The following CHN2 variants were observed in gnomAD, a reference collection of about 807,000 sequenced individuals.
CHN2 encodes the protein beta-chimaerin.
A neutral mutation model predicts 56.3 loss-of-function variants in CHN2; 35 were observed. The ratio of observed to expected loss-of-function variants is 0.62; its 90% CI spans 0.47 to 0.82. CHN2 has a LOEUF of 0.82. CHN2 is among the 40% of genes least tolerant of loss of function. The pLI is 0.00. For missense variants in CHN2, 491 were observed against 580.5 expected (o/e 0.85, Z 1.58); for synonymous variants, 210 against 212.8 (o/e 0.99, Z 0.12).
At chr7:29,172,874 G>C (rs537757212) in intron 2 of CHN2, among the ~76,000 whole-genome samples, 1 of 152,094 alleles carries the variant, frequency 6.6e-6, no homozygotes, top group Admixed American at 6.5e-5. Context: ...GAGTGTGGTA[G>C]CTCACCAGCG....
At chr7:29,381,499 C>T (rs1215886508) in intron 3 of CHN2, among the ~76,000 whole-genome samples, 2 of 152,062 alleles carry the variant, frequency 1.3e-5, no homozygotes, top group Non-Finnish European at 2.9e-5. Context: ...GGAAGAAGGG[C>T]TGGATAGAGG....
intron 1 of CHN2, among the ~76,000 whole-genome samples, chr7:29,196,545 G>T (rs111283734): frequency 6.6e-6 from 1 of 152,184 alleles, no homozygotes. Flanking sequence ...AAATACAGTG[G>T]TGTTGGCTTT....
intron 1 of CHN2, among the ~76,000 whole-genome samples, chr7:29,285,685 G>T (rs1015246357): frequency 1.3e-5 from 2 of 152,184 alleles, no homozygotes; most frequent in African/African-American, 2.4e-5. Context: ...ATTTTAACCT[G>T]AATACAGGCT....
At chr7:29,484,116 T>A in intron 7 of CHN2, 1 of 376,190 alleles carries the variant, frequency 2.7e-6, no homozygotes, top group Non-Finnish European at 5.2e-6. Context: ...TTCTACCATC[T>A]CTTTCTTCTT....
At chr7:29,347,736 T>G (rs1393509473) in intron 1 of CHN2, among the ~76,000 whole-genome samples, 1 of 152,174 alleles carries the variant, frequency 6.6e-6, no homozygotes, top group Non-Finnish European at 1.5e-5. Context: ...AGTCTCAATG[T>G]CCATCAATTA....
At chr7:29,417,399 G>C (rs560425958) in intron 6 of CHN2, among the ~76,000 whole-genome samples, 21 of 146,194 alleles carry the variant, frequency 1.4e-4, no homozygotes, top group Non-Finnish European at 2.8e-4. Context: ...GCAGTGGCGC[G>C]ATCTCCGCTC....
At chr7:29,484,449 A>G (rs1355842994) in intron 7 of CHN2, among the ~76,000 whole-genome samples, 1 of 152,198 alleles carries the variant, frequency 6.6e-6, no homozygotes, top group Non-Finnish European at 1.5e-5. Flanking sequence ...CTGAAAGAGA[A>G]ACTGCCCTGC....
intron 7 of CHN2, among the ~76,000 whole-genome samples, chr7:29,491,347 T>G (rs1278276251): frequency 6.6e-6 from 1 of 152,198 alleles, no homozygotes; most frequent in East Asian, 1.9e-4. Flanking sequence ...ATTGCATCTT[T>G]TTTCTCCTTC....
chr7:29,426,756 C>T (rs1235581899), intron 6 of CHN2, among the ~76,000 whole-genome samples: 3 of 152,218 alleles, frequency 2.0e-5, no homozygotes, highest in African/African-American at 7.2e-5. Flanking sequence ...GGACTCTTAT[C>T]TGAGTGCTCT....
At chr7:29,484,794 A>T (rs1339372807) in intron 7 of CHN2, among the ~76,000 whole-genome samples, 1 of 152,196 alleles carries the variant, frequency 6.6e-6, no homozygotes, top group Non-Finnish European at 1.5e-5. Flanking sequence ...AATAGGAAGG[A>T]TCTCTAGCCT....
chr7:29,464,113 G>A (rs1351521900), intron 6 of CHN2, among the ~76,000 whole-genome samples: 2 of 152,330 alleles, frequency 1.3e-5, no homozygotes, highest in East Asian at 3.9e-4. Flanking sequence ...GGCTAGCTAA[G>A]CTTATTTAAA....
intron 1 of CHN2, among the ~76,000 whole-genome samples, chr7:29,278,997 C>T (rs557746651): frequency 4.8e-5 from 6 of 123,928 alleles, no homozygotes; most frequent in Admixed American, 1.7e-4. Flanking sequence ...GTCCAGCTGT[C>T]CCCCCCCAAC....
chr7:29,323,726 G>T (rs771492917), intron 1 of CHN2, among the ~76,000 whole-genome samples: 11 of 151,944 alleles, frequency 7.2e-5, no homozygotes, highest in Non-Finnish European at 1.5e-4. Context: ...GGCTGGGCGC[G>T]GTGGCTCACA....
intron 9 of CHN2, 83 bp downstream of exon 9, chr7:29,500,123 G>GTAGAGCAA: frequency 9.1e-7 from 1 of 1,102,296 alleles, no homozygotes; most frequent in Non-Finnish European, 1.2e-6. Context: ...AAACAGAGTT[G>GTAGAGCAA]CTCTACTACT....
chr7:29,165,029 T>G lies in CHN2; in HGVS notation c.274+18069T>G, dbSNP rs539860250. Reference sequence around the variant, plus strand: ...TTATTCTTTTTCAGATGTTTTTGACTATTCTACATCTTTTGAACTTCCATA... The same window carrying G: ...TTATTCTTTTTCAGATGTTTTTGACGATTCTACATCTTTTGAACTTCCATA... On this transcript the variant is annotated intron_variant, in intron 2 of 6. Transcript: ENST00000439384. 1.3e-4 allele frequency among the ~76,000 whole-genome samples: 20 copies of G among 152,296 alleles called. No individual in the cohort carries two copies. In the South Asian group the frequency reaches 3.7e-3, roughly 28 times the overall value.
rs1791824558 is a variant in CHN2 at position 29,514,277 on chromosome 7, T to C, written c.*1542T>C. 6.6e-6 allele frequency: 1 copy of C among 152,662 alleles called. No individual in the cohort carries two copies. Among genetic ancestry groups the C allele is most frequent in the Non-Finnish European group, 1.5e-5 (1 of 68,040 alleles). 9.5% of individuals were successfully genotyped at this position (152,662 alleles called of 1,614,324 possible). ...GTGAACAATACTTTGTAATTTATGA[T>C]AGTGTAAATGGAAGGCAAAGCATCA... On this transcript the variant is annotated 3_prime_UTR_variant, in exon 13 of 13. Coordinates refer to ENST00000222792, the MANE Select transcript of CHN2 (RefSeq NM_004067.4).
chr7:29,252,574 C>CTTTTTTTTTTTTT (rs150230689), intron 1 of CHN2, among the ~76,000 whole-genome samples: 2 of 19,280 alleles, frequency 1.0e-4, no homozygotes, highest in Non-Finnish European at 9.3e-5. Flanking sequence ...AAATTGCATT[C>CTTTTTTTTTTTTT]TTTGTTTTTT....
intron 8 of CHN2, among the ~76,000 whole-genome samples, chr7:29,498,043 A>C (rs1789491319): frequency 6.6e-6 from 1 of 152,226 alleles, no homozygotes; most frequent in South Asian, 2.1e-4. Flanking sequence ...AAATGGTTAA[A>C]ATGATAAATT....
At chr7:29,364,975 C>G (rs1459950984) in intron 2 of CHN2, among the ~76,000 whole-genome samples, 1 of 152,088 alleles carries the variant, frequency 6.6e-6, no homozygotes, top group African/African-American at 2.4e-5. Context: ...AATGTGTACT[C>G]TATGTATTTT....
Sources: gnomAD v4.1 joint callset for allele counts (sites outside exome capture counted in the v4.1 genomes callset) on GRCh38, gnomAD v4.1.1 for gene constraint, MANE v1.5 for transcripts, NCBI Gene and HGNC (gene_info 2026-07-23, HGNC 2026-07-21) for gene names.